LRIG1: variants seen among roughly 807,000 people sequenced by gnomAD.
LRIG1 encodes the protein leucine rich repeats and immunoglobulin like domains 1, also known as leucine-rich repeats and immunoglobulin-like domains protein 1.
LRIG1 carries 48 observed loss-of-function variants against 99.2 expected under a neutral mutation model. The observed-to-expected ratio is 0.48, with a 90% CI of 0.38 to 0.62. The LOEUF (loss-of-function observed/expected upper bound fraction) is 0.62. LRIG1 is among the 20% of genes least tolerant of loss of function. LRIG1 has a pLI of 0.00. For missense variants in LRIG1, 1,646 were observed against 1,434.4 expected, an observed-to-expected ratio of 1.15 and a Z score of -2.38; for synonymous variants, 772 against 596.1, an observed-to-expected ratio of 1.29 and a Z score of -4.30.
chr3:66,450,121 G>C (rs1288087744), intron 3 of LRIG1, among the ~76,000 whole-genome samples: 4 of 152,126 alleles, frequency 2.6e-5, no homozygotes, highest in Non-Finnish European at 5.9e-5. Flanking sequence ...TCCAGATGCT[G>C]GGCCCACAAA....
At chr3:66,397,448 TAAA>T (rs386396916) in intron 11 of LRIG1, among the ~76,000 whole-genome samples, 1 of 131,470 alleles carries the variant, frequency 7.6e-6, no homozygotes, top group Admixed American at 7.5e-5. Flanking sequence ...CATGTCTAGC[TAAA>T]AAAAAAAAAA....
At chr3:66,398,765 T>C (rs930419153) in intron 10 of LRIG1, among the ~76,000 whole-genome samples, 1 of 152,128 alleles carries the variant, frequency 6.6e-6, no homozygotes, top group Non-Finnish European at 1.5e-5. Flanking sequence ...TGGGAGCACA[T>C]CCACTGGCCA....
At chr3:66,382,174 T>G (rs1701115306) in intron 16 of LRIG1, 99 bp downstream of exon 16, 1 of 1,432,578 alleles carries the variant, frequency 7.0e-7, no homozygotes, top group African/African-American at 1.4e-5. Flanking sequence ...TTGCCCCATC[T>G]AATGCCAGGT....
At position 66,500,470 on chromosome 3, in the gene LRIG1, CGCGG is replaced by C; in HGVS notation, c.-67_-64del. On this transcript the variant is annotated 5_prime_UTR_variant, in exon 1 of 19. Coordinates refer to ENST00000273261, the MANE Select transcript of LRIG1 (RefSeq NM_015541.3). Reference sequence around the variant, plus strand: ...CTGTGAGGACCCGAACGGCCGCAGACGCGGGCGGGCCCGCGGGGCGCTCCGCTCG... The same window carrying C: ...CTGTGAGGACCCGAACGGCCGCAGACGCGGGCCCGCGGGGCGCTCCGCTCG... The C allele has an allele frequency of 2.0e-6, 2 of 1,023,748 alleles. No individual in the cohort carries two copies. The highest frequency in any genetic ancestry group is 2.6e-6 in the Non-Finnish European group (2 of 774,948). 63.4% of individuals were successfully genotyped at this position (1,023,748 alleles called of 1,614,324 possible). A position where few individuals can be genotyped will look rare whatever the true frequency, so the allele number is the denominator to read the frequency against.
chr3:66,499,454 C>T (rs982540214), intron 1 of LRIG1, among the ~76,000 whole-genome samples: 6 of 152,116 alleles, frequency 3.9e-5, no homozygotes, highest in Admixed American at 2.6e-4. Context: ...CAATGGGGCC[C>T]CAGGGAACAC....
At chr3:66,446,008 TGCA>T (rs1323324552) in intron 3 of LRIG1, among the ~76,000 whole-genome samples, 3 of 152,230 alleles carry the variant, frequency 2.0e-5, no homozygotes, top group Non-Finnish European at 4.4e-5. Context: ...AGCCCTGAGC[TGCA>T]GCAGATCACA....
intron 1 of LRIG1, among the ~76,000 whole-genome samples, chr3:66,479,889 A>T (rs1700808985): frequency 6.6e-6 from 1 of 152,254 alleles, no homozygotes; most frequent in Admixed American, 6.5e-5. Context: ...GAAACAGTCT[A>T]GCAGTTCCTC....
intron 5 of LRIG1, 88 bp downstream of exon 5, chr3:66,414,832 G>A: frequency 7.9e-7 from 1 of 1,269,210 alleles, no homozygotes. Flanking sequence ...AGCAAGGAAA[G>A]GGTGGCGTTT....
At chr3:66,458,745 G>A (rs939046384) in intron 2 of LRIG1, among the ~76,000 whole-genome samples, 1 of 152,010 alleles carries the variant, frequency 6.6e-6, no homozygotes, top group African/African-American at 2.4e-5. Context: ...GGCCAGGCGT[G>A]GTGGCTCATG....
rs777739493 is a variant in LRIG1 at position 66,497,200 on chromosome 3, C to A, written c.218+2990G>T. On this transcript the variant is annotated intron_variant, in intron 1 of 18. Transcript: ENST00000273261. ...CTTCCTCTAGGCCTGCCTTCCTAATCCTAATCCCAATCCCAATGGGCTACC... is the reference window on the plus strand; with the variant it reads ...CTTCCTCTAGGCCTGCCTTCCTAATACTAATCCCAATCCCAATGGGCTACC... Among the ~76,000 whole-genome samples, 79 of 152,218 alleles carry A rather than the reference C, an allele frequency of 5.2e-4. 1 individual carries two copies. Among genetic ancestry groups the A allele is most frequent in the Non-Finnish European group, 4.4e-4 (30 of 68,036 alleles).
At chr3:66,413,218 G>A (rs1559786281) in intron 5 of LRIG1, among the ~76,000 whole-genome samples, 1 of 152,184 alleles carries the variant, frequency 6.6e-6, no homozygotes, top group African/African-American at 2.4e-5. Context: ...CACACCTAGT[G>A]CAGGCAAGAG....
intron 1 of LRIG1, among the ~76,000 whole-genome samples, chr3:66,469,904 T>C (rs1575716333): frequency 7.8e-5 from 2 of 25,716 alleles, no homozygotes; most frequent in African/African-American, 1.3e-4. Context: ...ACCCTGTCCC[T>C]ACCAAAAAAA....
At chr3:66,398,453 A>G (rs1248108013) in intron 10 of LRIG1, among the ~76,000 whole-genome samples, 1 of 152,250 alleles carries the variant, frequency 6.6e-6, no homozygotes, top group East Asian at 1.9e-4. Context: ...CTTGATTCAA[A>G]GAGGAAACAA....
At chr3:66,403,909 C>G (rs1702160981) in intron 9 of LRIG1, among the ~76,000 whole-genome samples, 1 of 152,186 alleles carries the variant, frequency 6.6e-6, no homozygotes, top group African/African-American at 2.4e-5. Flanking sequence ...CATCCCAGGC[C>G]TGGAGCTCTT....
rs765820272 is a variant in LRIG1 at position 66,407,402 on chromosome 3, G to T, written c.1025C>A (p.Ser342Tyr). The change falls in exon 8 of 19, where the codon TCC becomes TAC. Residue 342 changes from serine (S) to tyrosine (Y), a missense_variant. Transcript: ENST00000273261. ...GGCACCCTCCGCAATGTGGCTGATG[G>T]AATTGTGGCTGAGACGCAGGACACT... ...SLSVLRLSHNSISHIAEGAFK... is the reference protein window; with the variant it reads ...SLSVLRLSHNYISHIAEGAFK... The T allele has an allele frequency of 5.6e-6, 9 of 1,614,098 alleles. No homozygotes were observed. The highest frequency in any genetic ancestry group is 1.7e-4 in the Middle Eastern group (1 of 6,060).
At position 66,399,412 on chromosome 3, in the gene LRIG1, A is replaced by G. The variant is rs146651632; in HGVS notation, c.1161-371T>C. On this transcript the variant is annotated intron_variant, in intron 9 of 18. Transcript: ENST00000273261. ...GGTGAAGTTTAGTGATGGAGAGATG[A>G]GACTGATTATGGTTTCAGTGAGAGG... is the stretch of plus-strand genomic sequence containing the variant. 4.9e-3 allele frequency among the ~76,000 whole-genome samples: 750 copies of G among 152,322 alleles called. 12 individuals carry two copies. Among genetic ancestry groups the G allele is most frequent in the African/African-American group, 0.013 (552 of 41,580 alleles).
intron 1 of LRIG1, among the ~76,000 whole-genome samples, chr3:66,480,693 T>C (rs531163621): frequency 6.6e-6 from 1 of 152,280 alleles, no homozygotes; most frequent in East Asian, 1.9e-4. Flanking sequence ...CATGAGTCCA[T>C]CAGATGCAGA....
Position 66,495,194 on chromosome 3 carries a change from C to A in LRIG1, c.218+4996G>T, listed in dbSNP as rs150214909. Among the ~76,000 whole-genome samples the A allele has an allele frequency of 2.0e-3, 304 of 152,284 alleles. 1 individual carries two copies. The highest frequency in any genetic ancestry group is 6.7e-3 in the African/African-American group (279 of 41,548). Reference sequence around the variant, plus strand: ...GTCATGCTTAAGTCATAAAAAATAACAGTAACGGTCCCTAAATTTCCCACA... The same window carrying A: ...GTCATGCTTAAGTCATAAAAAATAAAAGTAACGGTCCCTAAATTTCCCACA... On this transcript the variant is annotated intron_variant, in intron 1 of 18. Coordinates refer to ENST00000273261, the MANE Select transcript of LRIG1 (RefSeq NM_015541.3).
intron 8 of LRIG1, chr3:66,406,394 A>G: frequency 1.0e-6 from 1 of 985,370 alleles, no homozygotes; most frequent in Non-Finnish European, 1.2e-6. Context: ...GAATGTTCCC[A>G]GCCTTGTTAT....
Sources: gnomAD v4.1 joint callset for allele counts (sites outside exome capture counted in the v4.1 genomes callset) on GRCh38, gnomAD v4.1.1 for gene constraint, MANE v1.5 for transcripts, NCBI Gene and HGNC (gene_info 2026-07-23, HGNC 2026-07-21) for gene names.